CNIH1: variants seen among roughly 807,000 people sequenced by gnomAD.
CNIH1 encodes the protein protein cornichon homolog 1.
A neutral mutation model predicts 20.2 loss-of-function variants in CNIH1; 12 were observed. The observed-to-expected ratio is 0.59, with a 90% CI of 0.38 to 0.96. The LOEUF (loss-of-function observed/expected upper bound fraction) is 0.96, where lower values mean the gene tolerates loss of function less well. Among genes scored for constraint, CNIH1 ranks in the 40% least tolerant of loss-of-function variants. The pLI is 0.00. For synonymous variants in CNIH1, 69 were observed against 63.3 expected (o/e 1.09, Z -0.43); for missense variants, 152 against 178.8 (o/e 0.85, Z 0.85).
chr14:54,425,850 GATT>G lies in CNIH1; in HGVS notation c.*1961_*1963del, dbSNP rs1349507509. 3 of 152,172 alleles carry G rather than the reference GATT, an allele frequency of 2.0e-5. No homozygotes were observed. The highest frequency in any genetic ancestry group is 4.4e-5 in the Non-Finnish European group (3 of 68,014). 9.4% of individuals were successfully genotyped at this position (152,172 alleles called of 1,614,324 possible). A position where few individuals can be genotyped will look rare whatever the true frequency, so the allele number is the denominator to read the frequency against. ...TACTCCTGGAGAATATTCTGGAATAGATTATTAAAAGGATGTTTGTTAACACTT... is the reference window on the plus strand; with the variant it reads ...TACTCCTGGAGAATATTCTGGAATAGATTAAAAGGATGTTTGTTAACACTT... On this transcript the variant is annotated 3_prime_UTR_variant, in exon 5 of 5. Coordinates refer to ENST00000216416, the MANE Select transcript of CNIH1 (RefSeq NM_005776.3).
At chr14:54,436,183 G>C (rs2031051149) in intron 2 of CNIH1, 186 bp downstream of exon 2, 2 of 706,382 alleles carry the variant, frequency 2.8e-6, no homozygotes, top group Admixed American at 2.0e-5. Flanking sequence ...CAGCTGACAA[G>C]ATCACCAGCA....
chr14:54,431,832 G>A (rs1006895018), intron 3 of CNIH1, among the ~76,000 whole-genome samples: 4 of 152,026 alleles, frequency 2.6e-5, no homozygotes, highest in Non-Finnish European at 4.4e-5. Flanking sequence ...AGTTTAACAG[G>A]TGTATACGTA....
chr14:54,431,776 G>T (rs2030950098), intron 3 of CNIH1, among the ~76,000 whole-genome samples: 1 of 152,148 alleles, frequency 6.6e-6, no homozygotes, highest in South Asian at 2.1e-4. Context: ...GGGCATAAGT[G>T]AATGCTCTGG....
chr14:54,439,886 T>A (rs1408125270), intron 1 of CNIH1, among the ~76,000 whole-genome samples: 1 of 152,144 alleles, frequency 6.6e-6, no homozygotes, highest in African/African-American at 2.4e-5. Flanking sequence ...CCTACTAAGG[T>A]TGAGCTAGTC....
chr14:54,441,294 G>A lies in CNIH1; in HGVS notation c.34C>T (p.Leu12=), dbSNP rs1267752305. ...AGCGCGGCAGTGAGCAGCAGCGCCA[G>A]CATGTAGCAGAAGGCCGCGAACGTG... ...AFTFAAFCYM[L]ALLLTAALIF... is the part of the protein sequence containing the mutation. Residue 12 remains leucine, a synonymous_variant, in exon 1 of 5, where the codon CTG becomes TTG. Transcript: ENST00000216416. 5 of 1,519,988 alleles carry A rather than the reference G, an allele frequency of 3.3e-6. No individual in the cohort carries two copies. Among genetic ancestry groups the A allele is most frequent in the Middle Eastern group, 1.7e-4 (1 of 5,740 alleles). 94.2% of individuals were successfully genotyped at this position (1,519,988 alleles called of 1,614,324 possible).
chr14:54,434,314 T>C (rs955596137), intron 2 of CNIH1, among the ~76,000 whole-genome samples: 3 of 152,202 alleles, frequency 2.0e-5, no homozygotes, highest in African/African-American at 4.8e-5. Context: ...CCCAAGCACA[T>C]GTCTCTTCTC....
At chr14:54,430,219 CA>C in intron 4 of CNIH1, 41 bp downstream of exon 4, 1 of 1,599,602 alleles carries the variant, frequency 6.3e-7, no homozygotes, top group Non-Finnish European at 8.5e-7. Flanking sequence ...ACTTTTAAAG[CA>C]GCAAAGTGAA....
chr14:54,434,805 A>G (rs1207610015), intron 2 of CNIH1, among the ~76,000 whole-genome samples: 2 of 152,214 alleles, frequency 1.3e-5, no homozygotes, highest in Non-Finnish European at 1.5e-5. Context: ...TTTTAAAATT[A>G]ACACTTAATG....
intron 2 of CNIH1, among the ~76,000 whole-genome samples, chr14:54,432,654 A>G (rs961179549): frequency 1.3e-5 from 2 of 152,266 alleles, no homozygotes; most frequent in South Asian, 2.1e-4. Context: ...GGAATTTTAC[A>G]TATCAGTGTT....
In CNIH1 at chr14:54,426,674, GC is replaced by G. The variant is rs577378823; in HGVS notation, c.*1139del. On this transcript the variant is annotated 3_prime_UTR_variant, in exon 5 of 5. Coordinates refer to ENST00000216416, the MANE Select transcript of CNIH1 (RefSeq NM_005776.3). ...AAAATCAAAGTAAAATATTTTAAGTGCCACCATAATTTTTCTTAATTGGTAA... is the reference window on the plus strand; with the variant it reads ...AAAATCAAAGTAAAATATTTTAAGTGCACCATAATTTTTCTTAATTGGTAA... 313 of 152,208 alleles carry G rather than the reference GC, an allele frequency of 2.1e-3. 1 individual carries two copies. Among genetic ancestry groups the G allele is most frequent in the African/African-American group, 7.1e-3 (296 of 41,530 alleles). 9.4% of individuals were successfully genotyped at this position (152,208 alleles called of 1,614,324 possible).
intron 1 of CNIH1, chr14:54,436,798 C>A (rs900174300): frequency 2.3e-5 from 10 of 439,708 alleles, no homozygotes; most frequent in South Asian, 1.7e-4. Flanking sequence ...AAAAAAAAAA[C>A]AAACCTTCCT....
At chr14:54,428,444 T>A (rs1263166604) in intron 4 of CNIH1, among the ~76,000 whole-genome samples, 1 of 152,230 alleles carries the variant, frequency 6.6e-6, no homozygotes, top group Non-Finnish European at 1.5e-5. Flanking sequence ...TACAGAGTGC[T>A]ATGGGAACGG....
intron 4 of CNIH1, among the ~76,000 whole-genome samples, chr14:54,428,704 A>G (rs908872266): frequency 2.0e-5 from 3 of 152,174 alleles, no homozygotes; most frequent in Admixed American, 1.3e-4. Flanking sequence ...ATGGAAACTT[A>G]TGAAATGAAA....
intron 2 of CNIH1, 108 bp downstream of exon 2, chr14:54,436,261 A>C: frequency 1.3e-6 from 1 of 742,770 alleles, no homozygotes; most frequent in Admixed American, 2.1e-5. Context: ...TACTTCAAAA[A>C]GTACAAATAT....
At chr14:54,428,521 T>C (rs899990212) in intron 4 of CNIH1, among the ~76,000 whole-genome samples, 3 of 152,228 alleles carry the variant, frequency 2.0e-5, no homozygotes, top group African/African-American at 4.8e-5. Context: ...ACAAGCTTGA[T>C]AGACAACCTT....
At chr14:54,432,905 G>A (rs2030977692) in intron 2 of CNIH1, among the ~76,000 whole-genome samples, 1 of 152,136 alleles carries the variant, frequency 6.6e-6, no homozygotes, top group South Asian at 2.1e-4. Flanking sequence ...TCATTCTTAG[G>A]TGGCCTTTCC....
At chr14:54,433,803 A>C (rs7157721) in intron 2 of CNIH1, among the ~76,000 whole-genome samples, 39,848 of 151,992 alleles carry the variant, frequency 0.26, 6,032 homozygotes, top group African/African-American at 0.4. Context: ...GAAAGCATGA[A>C]CCCCTCCCGC....
At chr14:54,431,326 C>T (rs928482313) in intron 3 of CNIH1, among the ~76,000 whole-genome samples, 2 of 152,050 alleles carry the variant, frequency 1.3e-5, no homozygotes, top group South Asian at 4.1e-4. Flanking sequence ...CAGGGTTTCA[C>T]CATCTTGGCC....
intron 1 of CNIH1, among the ~76,000 whole-genome samples, chr14:54,437,612 G>C (rs1198428528): frequency 6.6e-6 from 1 of 151,746 alleles, no homozygotes; most frequent in East Asian, 1.9e-4. Context: ...ATAGTGCCTG[G>C]CACATAGTTA....
Sources: allele counts gnomAD v4.1 joint callset (sites outside exome capture counted in the v4.1 genomes callset), GRCh38; gene constraint gnomAD v4.1.1; transcripts MANE v1.5; gene names NCBI Gene and HGNC (gene_info 2026-07-23, HGNC 2026-07-21).